The following SRD5A2 variants were observed in gnomAD, a reference collection of about 807,000 sequenced individuals.
SRD5A2 encodes the protein 3-oxo-5-alpha-steroid 4-dehydrogenase 2.
In SRD5A2, 30 loss-of-function variants were observed where a neutral mutation model predicts 27.4. That is an observed-to-expected ratio of 1.10 (90% CI 0.82 to 1.49). The LOEUF (loss-of-function observed/expected upper bound fraction) is 1.49, where lower values mean the gene tolerates loss of function less well. Ranked by LOEUF, SRD5A2 falls within the 40% of genes most tolerant of loss-of-function variation. The probability of loss-of-function intolerance (pLI) is 0.00; values close to 1 mark genes in which losing one functional copy is unlikely to be tolerated. For synonymous variants in SRD5A2, 141 were observed against 133.6 expected, an observed-to-expected ratio of 1.06 and a Z score of -0.38; for missense variants, 348 against 323.4, an observed-to-expected ratio of 1.08 and a Z score of -0.58.
At chr2:31,629,543 C>T in the SRD5A2 span, among the ~76,000 whole-genome samples, 21 of 152,210 alleles carry the variant, frequency 1.4e-4, no homozygotes, top group Non-Finnish European at 1.5e-5. Context: ...AGGTGTGAGG[C>T]TATCTGGGAA....
Position 31,560,055 on chromosome 2 carries a change from T to TC in SRD5A2, c.281+20564dup, listed in dbSNP as rs67240045. Among the ~76,000 whole-genome samples, 124 of 122,444 alleles carry TC rather than the reference T, an allele frequency of 1.0e-3. No individual in the cohort carries two copies. The Middle Eastern group carries it at 0.012, about 12-fold the overall frequency. The allele number at this position is 122,444 out of a possible 152,430, so 80.3% of individuals were successfully genotyped here. A position where few individuals can be genotyped will look rare whatever the true frequency, so the allele number is the denominator to read the frequency against. The stretch of plus-strand genomic sequence containing the variant: ...CCCACAATATCTATGTACATACCAA[T>TC]CCCCCCCCCCCCCTTTTTTTAAAAA... On this transcript the variant is annotated intron_variant, in intron 1 of 4. Transcript: ENST00000622030.
chr2:31,592,975 T>C, the SRD5A2 span, among the ~76,000 whole-genome samples: 4 of 152,110 alleles, frequency 2.6e-5, no homozygotes, highest in East Asian at 3.9e-4. Flanking sequence ...ATGGATGAAA[T>C]TGGAAACCAT....
the SRD5A2 span, among the ~76,000 whole-genome samples, chr2:31,595,443 T>TA: frequency 6.6e-6 from 1 of 151,974 alleles, no homozygotes; most frequent in Non-Finnish European, 1.5e-5. Context: ...GTGCATAAAC[T>TA]AAAAAACCTA....
intron 1 of SRD5A2, among the ~76,000 whole-genome samples, chr2:31,569,773 C>T (rs1666816008): frequency 6.6e-6 from 1 of 150,774 alleles, no homozygotes; most frequent in Non-Finnish European, 1.5e-5. Flanking sequence ...AAATTAAAAC[C>T]TAAAACTACA....
At chr2:31,610,321 AT>A in the SRD5A2 span, among the ~76,000 whole-genome samples, 1 of 152,196 alleles carries the variant, frequency 6.6e-6, no homozygotes, top group Non-Finnish European at 1.5e-5. Context: ...TACCAACATC[AT>A]TTACCATTAT....
At chr2:31,560,751 T>A (rs1385566793) in intron 1 of SRD5A2, among the ~76,000 whole-genome samples, 2 of 152,186 alleles carry the variant, frequency 1.3e-5, no homozygotes, top group African/African-American at 4.8e-5. Context: ...ACCCTTGCCC[T>A]CTGAGTAGCT....
At chr2:31,644,149 C>G in the SRD5A2 span, among the ~76,000 whole-genome samples, 1 of 152,100 alleles carries the variant, frequency 6.6e-6, no homozygotes, top group Non-Finnish European at 1.5e-5. Context: ...CCGTGCTAAT[C>G]CTGCAAAAAT....
chr2:31,568,195 C>T (rs969048071), intron 1 of SRD5A2, among the ~76,000 whole-genome samples: 2 of 152,152 alleles, frequency 1.3e-5, no homozygotes, highest in African/African-American at 4.8e-5. Flanking sequence ...TGGCTCAGGG[C>T]TCCCCTAGTT....
the SRD5A2 span, among the ~76,000 whole-genome samples, chr2:31,638,696 A>G: frequency 6.6e-6 from 1 of 151,026 alleles, no homozygotes; most frequent in Non-Finnish European, 1.5e-5. Context: ...CTTTTTTTAT[A>G]GTCTCTGATT....
At chr2:31,659,532 C>T in the SRD5A2 span, among the ~76,000 whole-genome samples, 6 of 152,208 alleles carry the variant, frequency 3.9e-5, no homozygotes, top group African/African-American at 1.2e-4. Context: ...TTTCTATACA[C>T]CAACAACATC....
At chr2:31,651,457 G>T in the SRD5A2 span, 1 of 230,920 alleles carries the variant, frequency 4.3e-6, no homozygotes, top group East Asian at 1.1e-4. Context: ...TGCTGGCCAA[G>T]CAGACTTATG....
At position 31,526,119 on chromosome 2, in the gene SRD5A2, A is replaced by G. The variant is rs1665775194; in HGVS notation, c.*77T>C. The G allele has an allele frequency of 3.0e-6, 3 of 989,736 alleles. No homozygotes were observed. The highest frequency in any genetic ancestry group is 4.7e-6 in the Non-Finnish European group (3 of 642,528). 61.3% of individuals were successfully genotyped at this position (989,736 alleles called of 1,614,324 possible). ...TACATATATACGGGACTATTATATC[A>G]TGAAAATTACAGTTTCAGCAGCTTG... On this transcript the variant is annotated 3_prime_UTR_variant, in exon 5 of 5. Coordinates refer to ENST00000622030, the MANE Select transcript of SRD5A2 (RefSeq NM_000348.4).
chr2:31,617,043 G>C, the SRD5A2 span, among the ~76,000 whole-genome samples: 1 of 152,136 alleles, frequency 6.6e-6, no homozygotes, highest in East Asian at 1.9e-4. Context: ...CCTTTCCTTG[G>C]TTCTCATTCT....
the SRD5A2 span, among the ~76,000 whole-genome samples, chr2:31,606,549 G>A: frequency 1.3e-5 from 2 of 151,878 alleles, no homozygotes; most frequent in Non-Finnish European, 2.9e-5. Flanking sequence ...CAGCATCTGA[G>A]TGTGACAATA....
intron 3 of SRD5A2, 38 bp from the exon 4 acceptor site, chr2:31,529,495 T>C (rs376244171): frequency 6.2e-6 from 10 of 1,603,338 alleles, no homozygotes; most frequent in Non-Finnish European, 8.5e-6. Flanking sequence ...TCATTGCAAC[T>C]GAATCATTTT....
chr2:31,573,041 T>G (rs1377093210), intron 1 of SRD5A2, among the ~76,000 whole-genome samples: 1 of 152,086 alleles, frequency 6.6e-6, no homozygotes. Flanking sequence ...CAAATTTAAG[T>G]CACAGATCAC....
the SRD5A2 span, among the ~76,000 whole-genome samples, chr2:31,602,838 G>T: frequency 1.3e-5 from 2 of 151,980 alleles, no homozygotes; most frequent in Admixed American, 6.6e-5. Flanking sequence ...TTTAGTAAAT[G>T]GTGCTGGAAG....
At chr2:31,615,487 C>T in the SRD5A2 span, among the ~76,000 whole-genome samples, 1 of 152,266 alleles carries the variant, frequency 6.6e-6, no homozygotes, top group Non-Finnish European at 1.5e-5. Context: ...CCCTGGAGAT[C>T]TGTGGAACTT....
chr2:31,524,689 A>G lies in SRD5A2; in HGVS notation c.*1507T>C, dbSNP rs28383089. 8.7e-6 allele frequency: 2 copies of G among 231,120 alleles called. No individual in the cohort carries two copies. The highest frequency in any genetic ancestry group is 2.2e-5 in the African/African-American group (1 of 45,250). The allele number at this position is 231,120 out of a possible 1,614,324, so 14.3% of individuals were successfully genotyped here. A position where few individuals can be genotyped will look rare whatever the true frequency, so the allele number is the denominator to read the frequency against. On this transcript the variant is annotated 3_prime_UTR_variant, in exon 5 of 5. Transcript: ENST00000622030. Reference sequence around the variant, plus strand: ...CATCCTCAGACCTTTCAAGTTTCCTATGTGACTTATATAGTGAGTTTCTGT... The same window carrying G: ...CATCCTCAGACCTTTCAAGTTTCCTGTGTGACTTATATAGTGAGTTTCTGT...
Sources: allele counts gnomAD v4.1 joint callset (sites outside exome capture counted in the v4.1 genomes callset), GRCh38; gene constraint gnomAD v4.1.1; transcripts MANE v1.5; gene names NCBI Gene and HGNC (gene_info 2026-07-23, HGNC 2026-07-21).